The following SRP54 variants were observed in gnomAD, a reference collection of about 807,000 sequenced individuals.
SRP54 encodes signal recognition particle 54.
In SRP54, 10 loss-of-function variants were observed where a neutral mutation model predicts 64.8. The observed-to-expected ratio is 0.15, with a 90% CI of 0.10 to 0.26. The LOEUF (loss-of-function observed/expected upper bound fraction) is 0.26, where lower values mean the gene tolerates loss of function less well. SRP54 is among the 10% of genes least tolerant of loss of function. The probability of loss-of-function intolerance (pLI) is 1.00; values close to 1 mark genes in which losing one functional copy is unlikely to be tolerated. For missense variants in SRP54, 325 were observed against 613.7 expected, an observed-to-expected ratio of 0.53 and a Z score of 4.97; for synonymous variants, 193 against 185.6, an observed-to-expected ratio of 1.04 and a Z score of -0.32.
At chr14:34,988,584 T>TATATATATATATATATATATATATATAAC (rs2043936551) in intron 1 of SRP54, among the ~76,000 whole-genome samples, 3 of 74,910 alleles carry the variant, frequency 4.0e-5, no homozygotes, top group African/African-American at 1.3e-4. Context: ...AAAAAATATA[T>TATATATATATATATATATATATATATAAC]ATATATATAT....
intron 1 of SRP54, among the ~76,000 whole-genome samples, chr14:34,989,469 C>CAA (rs969169829): frequency 2.0e-4 from 28 of 139,078 alleles, no homozygotes; most frequent in Non-Finnish European, 4.2e-4. Flanking sequence ...AACTCTGTCT[C>CAA]AAAAAAAAAA....
intron 2 of SRP54, among the ~76,000 whole-genome samples, chr14:34,998,639 C>G (rs1159344438): frequency 6.6e-6 from 1 of 151,934 alleles, no homozygotes; most frequent in South Asian, 2.1e-4. Flanking sequence ...TAGTGAAACT[C>G]CATCTCTACT....
chr14:35,001,882 A>G (rs111688305), intron 4 of SRP54, among the ~76,000 whole-genome samples: 2 of 151,294 alleles, frequency 1.3e-5, no homozygotes, highest in Admixed American at 6.6e-5. Context: ...TCAGTTGTAG[A>G]AAAAAAAAGA....
intron 1 of SRP54, chr14:34,993,166 A>G (rs2044009397): frequency 6.6e-6 from 1 of 152,148 alleles, no homozygotes; most frequent in Non-Finnish European, 1.5e-5. Context: ...GGCTTAGTAT[A>G]GCTTTTTAAA....
At chr14:34,998,668 C>T (rs2044107870) in intron 2 of SRP54, among the ~76,000 whole-genome samples, 1 of 151,760 alleles carries the variant, frequency 6.6e-6, no homozygotes, top group Non-Finnish European at 1.5e-5. Context: ...AAAAAATTAG[C>T]TGGGCGTGGT....
chr14:35,023,362 A>T (rs1301393030), intron 14 of SRP54, among the ~76,000 whole-genome samples: 1 of 149,482 alleles, frequency 6.7e-6, no homozygotes, highest in Non-Finnish European at 1.5e-5. Flanking sequence ...TAATATAAGG[A>T]AAAAAAAAAC....
Position 35,014,289 on chromosome 14 carries a change from T to TG in SRP54, c.886+387_886+388insG, listed in dbSNP as rs1488092000. ...TTGCCACTTAACTTTTTTTTTTTTTTTTTTTGAGACGGAGTTTCGCTCTTG... is the reference window on the plus strand; with the variant it reads ...TTGCCACTTAACTTTTTTTTTTTTTTGTTTTTGAGACGGAGTTTCGCTCTTG... On this transcript the variant is annotated intron_variant, in intron 10 of 15. Transcript: ENST00000216774. 2.7e-5 allele frequency among the ~76,000 whole-genome samples: 4 copies of TG among 147,992 alleles called. No individual in the cohort carries two copies. In the East Asian group the frequency reaches 5.9e-4, roughly 22 times the overall value.
chr14:35,019,965 C>T (rs1566655342), intron 13 of SRP54, among the ~76,000 whole-genome samples: 1 of 152,020 alleles, frequency 6.6e-6, no homozygotes, highest in Non-Finnish European at 1.5e-5. Flanking sequence ...GGCGGATCAC[C>T]TGAGGTCAGG....
chr14:35,028,742 C>A (rs113448092), intron 15 of SRP54, among the ~76,000 whole-genome samples: 2 of 151,904 alleles, frequency 1.3e-5, no homozygotes, highest in South Asian at 2.1e-4. Context: ...TAGAGTAAGA[C>A]CCTTTTGGAT....
At chr14:34,992,654 A>C (rs1218258716) in intron 1 of SRP54, among the ~76,000 whole-genome samples, 3 of 152,132 alleles carry the variant, frequency 2.0e-5, no homozygotes, top group Non-Finnish European at 4.4e-5. Flanking sequence ...AGAGTTTGGG[A>C]GAAGACTGAG....
intron 15 of SRP54, among the ~76,000 whole-genome samples, chr14:35,028,600 C>A (rs1425626874): frequency 6.6e-6 from 1 of 152,114 alleles, no homozygotes; most frequent in East Asian, 1.9e-4. Context: ...GAAATTGTGA[C>A]AATTAAATGA....
chr14:34,998,973 A>ATGTGTGTGTGTG (rs34646567), intron 2 of SRP54, among the ~76,000 whole-genome samples: 2 of 63,658 alleles, frequency 3.1e-5, no homozygotes, highest in Non-Finnish European at 7.4e-5. Flanking sequence ...CTTTGTGTGT[A>ATGTGTGTGTGTG]TGTGTGTGTG....
chr14:34,990,963 C>T (rs2043966469), intron 1 of SRP54, among the ~76,000 whole-genome samples: 3 of 152,014 alleles, frequency 2.0e-5, no homozygotes, highest in Non-Finnish European at 4.4e-5. Context: ...TTCCCTAAGG[C>T]CTTAAATACA....
rs199824985 is a variant in SRP54 at position 35,012,982 on chromosome 14, C to T, written c.637-364C>T. ...TTTTGAGATGGAGTTTCACTCTTGT[C>T]GCCCAGGCTGGAGTGCAGTGGCATG... On this transcript the variant is annotated intron_variant, in intron 8 of 15. Transcript: ENST00000216774. Among the ~76,000 whole-genome samples, 61 of 115,178 alleles carry T rather than the reference C, an allele frequency of 5.3e-4. No individual in the cohort carries two copies. In the East Asian group the frequency reaches 0.016, roughly 31 times the overall value. The allele number at this position is 115,178 out of a possible 152,430, so 75.6% of individuals were successfully genotyped here.
At chr14:34,997,054 T>C (rs2044083213) in intron 2 of SRP54, 3 of 334,492 alleles carry the variant, frequency 9.0e-6, no homozygotes, top group Non-Finnish European at 1.7e-5. Flanking sequence ...ACATATTTTA[T>C]CTTTTGAAAG....
At chr14:34,988,435 G>A (rs2043929749) in intron 1 of SRP54, among the ~76,000 whole-genome samples, 1 of 149,466 alleles carries the variant, frequency 6.7e-6, no homozygotes, top group Admixed American at 6.7e-5. Flanking sequence ...GGTGGCATGC[G>A]CCTGTAGTCC....
In SRP54 at chr14:35,022,907, C is replaced by T. The variant is rs1209858469; in HGVS notation, c.1157-3C>T. On this transcript the variant is annotated splice_region_variant and splice_polypyrimidine_tract_variant and intron_variant, in intron 13 of 15. Coordinates refer to ENST00000216774, the MANE Select transcript of SRP54 (RefSeq NM_003136.4). ...GTGTGAGAGTAACTGACCTTGTCTA[C>T]AGAACTAGACAGTACGGATGGTGCC... is the stretch of plus-strand genomic sequence containing the variant. The T allele has an allele frequency of 3.2e-6, 5 of 1,586,952 alleles. No individual in the cohort carries two copies. The Admixed American group carries it at 8.9e-5, about 28-fold the overall frequency.
intron 4 of SRP54, among the ~76,000 whole-genome samples, chr14:35,005,927 C>T (rs1269415372): frequency 6.6e-6 from 1 of 152,102 alleles, no homozygotes; most frequent in Non-Finnish European, 1.5e-5. Flanking sequence ...GCAAGCTCCG[C>T]CACCCGGGTT....
intron 7 of SRP54, 57 bp downstream of exon 7, chr14:35,008,888 T>C: frequency 8.3e-7 from 1 of 1,200,116 alleles, no homozygotes; most frequent in Non-Finnish European, 1.1e-6. Context: ...TGTCAGCTTT[T>C]TTTTTTTTTT....
Sources: allele counts gnomAD v4.1 joint callset (sites outside exome capture counted in the v4.1 genomes callset), GRCh38; gene constraint gnomAD v4.1.1; transcripts MANE v1.5; gene names NCBI Gene and HGNC (gene_info 2026-07-23, HGNC 2026-07-21).